Variants in LRCH1 observed in about 807,000 individuals in gnomAD.
LRCH1 encodes leucine rich repeats and calponin homology domain containing 1.
Under a neutral mutation model 94.9 loss-of-function variants are expected in LRCH1, and 23 were observed. The ratio of observed to expected loss-of-function variants is 0.24; its 90% confidence interval spans 0.17 to 0.34. The LOEUF (loss-of-function observed/expected upper bound fraction) is 0.34. Ranked by LOEUF, LRCH1 falls within the 10% of genes least tolerant of loss-of-function variation. The probability of loss-of-function intolerance (pLI) is 1.00; values close to 1 mark genes in which losing one functional copy is unlikely to be tolerated. For synonymous variants in LRCH1, 364 were observed against 354.9 expected, an observed-to-expected ratio of 1.03 and a Z score of -0.29; for missense variants, 790 against 945.9, an observed-to-expected ratio of 0.84 and a Z score of 2.16.
chr13:46,694,321 A>G (rs770667704), intron 8 of LRCH1, among the ~76,000 whole-genome samples: 3 of 152,132 alleles, frequency 2.0e-5, no homozygotes, highest in Non-Finnish European at 4.4e-5. Flanking sequence ...CCTGGAACAC[A>G]TTCTAGGTGG....
Position 46,744,010 on chromosome 13 carries a change from G to A in LRCH1, c.*2162G>A. The A allele has an allele frequency of 1.0e-6, 1 of 985,294 alleles. No homozygotes were observed. The highest frequency in any genetic ancestry group is 1.7e-5 in the African/African-American group (1 of 57,310). The allele number at this position is 985,294 out of a possible 1,614,324, so 61.0% of individuals were successfully genotyped here. A position where few individuals can be genotyped will look rare whatever the true frequency, so the allele number is the denominator to read the frequency against. On this transcript the variant is annotated 3_prime_UTR_variant, in exon 20 of 20. Transcript: ENST00000389797. ...ATGATGTTTTTTCATTAGTAGTATG[G>A]TAACTAGCAGAACACAATTAATTTA... is the stretch of plus-strand genomic sequence containing the variant.
chr13:46,661,777 A>G (rs576098370), intron 2 of LRCH1, among the ~76,000 whole-genome samples: 4 of 152,344 alleles, frequency 2.6e-5, no homozygotes, highest in African/African-American at 9.6e-5. Context: ...AAATGGCAAT[A>G]TGCAGGCATC....
At position 46,701,204 on chromosome 13, in the gene LRCH1, A is replaced by G. The variant is rs775721585; in HGVS notation, c.1397A>G (p.Asn466Ser). ...GCAGTAGATTTGCTGCAAGATCCCA[A>G]TGGGTGTGTATGTCTCCTTGGTCCA... Reference protein sequence around the residue: ...REAVDLLQDPNGLSTDITERS... With the variant: ...REAVDLLQDPSGLSTDITERS... Residue 466 changes from asparagine to serine, a missense_variant, in exon 11 of 20, where the codon AAT becomes AGT. Coordinates refer to ENST00000389797, the MANE Select transcript of LRCH1 (RefSeq NM_001164211.2). 11 of 1,604,986 alleles carry G rather than the reference A, an allele frequency of 6.9e-6. No homozygotes were observed. Among genetic ancestry groups the G allele is most frequent in the Admixed American group, 3.3e-5 (2 of 59,976 alleles).
chr13:46,708,695 G>A (rs1871903119), intron 13 of LRCH1, among the ~76,000 whole-genome samples: 1 of 152,170 alleles, frequency 6.6e-6, no homozygotes, highest in Non-Finnish European at 1.5e-5. Flanking sequence ...ATGTTTAAAT[G>A]TCACATTTCC....
chr13:46,706,849 T>C (rs1186566305), intron 13 of LRCH1, among the ~76,000 whole-genome samples: 3 of 152,368 alleles, frequency 2.0e-5, no homozygotes, highest in South Asian at 2.1e-4. Flanking sequence ...ACATTTGTTA[T>C]ATTTGTTCTC....
intron 2 of LRCH1, among the ~76,000 whole-genome samples, chr13:46,658,687 C>G (rs1256524583): frequency 1.3e-5 from 2 of 152,118 alleles, no homozygotes; most frequent in African/African-American, 4.8e-5. Flanking sequence ...CGCTCTGTGG[C>G]CTAGGCTGGT....
intron 1 of LRCH1, among the ~76,000 whole-genome samples, chr13:46,571,878 G>A (rs2050244705): frequency 6.6e-6 from 1 of 151,930 alleles, no homozygotes; most frequent in African/African-American, 2.4e-5. Flanking sequence ...GGGTATGTGT[G>A]TGTGAGAGAG....
intron 17 of LRCH1, among the ~76,000 whole-genome samples, chr13:46,723,780 A>G (rs962495051): frequency 5.9e-5 from 9 of 152,034 alleles, no homozygotes; most frequent in African/African-American, 2.2e-4. Context: ...AGCCTGGGTG[A>G]CAACAGTGAG....
chr13:46,740,191 T>C (rs17068763), intron 19 of LRCH1, among the ~76,000 whole-genome samples: 13,482 of 152,272 alleles, frequency 0.089, 1,056 homozygotes, highest in African/African-American at 0.2. Flanking sequence ...ATGAGCAGCA[T>C]CAGTCTCCCA....
Position 46,742,738 on chromosome 13 carries a change from T to G in LRCH1, c.*890T>G. ...AACTGCCGGTCCAGAATGTGACGGA[T>G]TCGACTCTATTCATTTTCAAATAAA... On this transcript the variant is annotated 3_prime_UTR_variant, in exon 20 of 20. Transcript: ENST00000389797. 1 of 985,472 alleles carries G rather than the reference T, an allele frequency of 1.0e-6. No individual in the cohort carries two copies. The highest frequency in any genetic ancestry group is 1.2e-6 in the Non-Finnish European group (1 of 829,942). 61.0% of individuals were successfully genotyped at this position (985,472 alleles called of 1,614,324 possible). A position where few individuals can be genotyped will look rare whatever the true frequency, so the allele number is the denominator to read the frequency against.
chr13:46,658,110 C>T (rs2051399925), intron 2 of LRCH1, among the ~76,000 whole-genome samples: 1 of 152,076 alleles, frequency 6.6e-6, no homozygotes, highest in Non-Finnish European at 1.5e-5. Context: ...AGGGATTTTC[C>T]AAGGGAACAA....
chr13:46,558,950 C>G (rs1469041771), intron 1 of LRCH1, among the ~76,000 whole-genome samples: 1 of 152,190 alleles, frequency 6.6e-6, no homozygotes, highest in Non-Finnish European at 1.5e-5. Flanking sequence ...CACCCTAGCT[C>G]TGTGTGATCT....
intron 11 of LRCH1, among the ~76,000 whole-genome samples, chr13:46,703,093 A>G (rs842390): frequency 0.82 from 125,358 of 152,158 alleles, 52,225 homozygotes; most frequent in African/African-American, 0.95. Flanking sequence ...TCTACATCCC[A>G]AGCCGGGGCA....
At chr13:46,696,194 G>GCA (rs1566232860) in intron 9 of LRCH1, among the ~76,000 whole-genome samples, 16 of 117,950 alleles carry the variant, frequency 1.4e-4, no homozygotes, top group African/African-American at 6.7e-4. Flanking sequence ...ATGCATGTGT[G>GCA]TACACACACA....
rs3991577 is a variant in LRCH1, at chr13:46,606,148, A to ATGTGTG, written c.308-44027_308-44022dup. Among the ~76,000 whole-genome samples, 951 of 148,720 alleles carry ATGTGTG rather than the reference A, an allele frequency of 6.4e-3. 5 individuals are homozygous for ATGTGTG. The highest frequency in any genetic ancestry group is 0.021 in the African/African-American group (854 of 40,458). ...ATGCTCAAACTCTAATTTTAACCTT[A>ATGTGTG]TGTGTGTGTGTGTGTGTGTGTGTGT... On this transcript the variant is annotated intron_variant, in intron 1 of 19. Transcript: ENST00000389797.
At chr13:46,569,126 A>T (rs1424269821) in intron 1 of LRCH1, among the ~76,000 whole-genome samples, 1 of 148,132 alleles carries the variant, frequency 6.8e-6, no homozygotes, top group Non-Finnish European at 1.5e-5. Context: ...CTCATAAAAT[A>T]TTCTAATTCT....
downstream of LRCH1, among the ~76,000 whole-genome samples, chr13:46,747,750 T>G (rs1318130194): frequency 1.3e-5 from 2 of 152,146 alleles, no homozygotes; most frequent in Non-Finnish European, 2.9e-5. Flanking sequence ...AATTTTTTTT[T>G]TTTTTGAGAT....
At chr13:46,659,616 G>C (rs2051419679) in intron 2 of LRCH1, among the ~76,000 whole-genome samples, 1 of 152,166 alleles carries the variant, frequency 6.6e-6, no homozygotes, top group African/African-American at 2.4e-5. Flanking sequence ...ATACTCAGTG[G>C]GGATGGTGAA....
chr13:46,679,254 G>A (rs2138138085), intron 3 of LRCH1, among the ~76,000 whole-genome samples: 1 of 152,310 alleles, frequency 6.6e-6, no homozygotes, highest in African/African-American at 2.4e-5. Context: ...TGCATTTCTA[G>A]GACTCACCTG....
Sources: allele counts gnomAD v4.1 joint callset (sites outside exome capture counted in the v4.1 genomes callset), GRCh38; gene constraint gnomAD v4.1.1; transcripts MANE v1.5; gene names NCBI Gene and HGNC (gene_info 2026-07-23, HGNC 2026-07-21).